SLC35D2: variants seen among roughly 807,000 people sequenced by gnomAD.
The protein encoded by SLC35D2 is solute carrier family 35 member D2.
SLC35D2 carries 43 observed loss-of-function variants against 41.8 expected under a neutral mutation model. That is an observed-to-expected ratio of 1.03 (90% CI 0.81 to 1.33). SLC35D2 has a LOEUF of 1.33. SLC35D2 is among the 40% of genes most tolerant of loss of function. The pLI is 0.00. For missense variants in SLC35D2, 380 were observed against 408.4 expected (o/e 0.93, Z 0.60); for synonymous variants, 150 against 163.9 (o/e 0.92, Z 0.65).
At chr9:96,330,244 G>A (rs12555309) in intron 9 of SLC35D2, among the ~76,000 whole-genome samples, 20,296 of 152,232 alleles carry the variant, frequency 0.13, 1,809 homozygotes, top group East Asian at 0.28. Flanking sequence ...TGCCAACCAT[G>A]AGGGCAAATC....
chr9:96,346,863 G>A (rs911206032), intron 6 of SLC35D2, among the ~76,000 whole-genome samples: 15 of 151,834 alleles, frequency 9.9e-5, no homozygotes, highest in African/African-American at 2.9e-4. Flanking sequence ...TTGGCCAGGC[G>A]TGGTGGCTCC....
At chr9:96,374,350 A>G (rs1479393985) in intron 1 of SLC35D2, among the ~76,000 whole-genome samples, 1 of 152,102 alleles carries the variant, frequency 6.6e-6, no homozygotes, top group Admixed American at 6.5e-5. Context: ...CCTGGCCAAC[A>G]TGGTGAAACC....
At chr9:96,338,555 CAAAAA>C (rs58788876) in intron 8 of SLC35D2, among the ~76,000 whole-genome samples, 1 of 115,790 alleles carries the variant, frequency 8.6e-6, no homozygotes, top group Non-Finnish European at 1.8e-5. Context: ...GACCCTGTCT[CAAAAA>C]AAAAAAAAAA....
Position 96,383,573 on chromosome 9 carries a change from AGCCGC to A in SLC35D2, c.57_61del (p.Arg20AlafsTer64), listed in dbSNP as rs1381562518. On this transcript the variant is annotated frameshift_variant, in exon 1 of 12. Transcript: ENST00000253270. LOFTEE classifies it high-confidence loss of function. ...CAGCAGCCGGGCCACCCGCGAGGGC[AGCCGC>A]GCCGCGCCGGGCTCCCCGCCAGCGC... 2.0e-6 allele frequency: 3 copies of A among 1,476,868 alleles called. No homozygotes were observed. Among genetic ancestry groups the A allele is most frequent in the South Asian group, 2.6e-5 (2 of 78,270 alleles). 91.5% of individuals were successfully genotyped at this position (1,476,868 alleles called of 1,614,324 possible).
intron 2 of SLC35D2, among the ~76,000 whole-genome samples, chr9:96,367,786 A>T (rs1587714234): frequency 6.6e-6 from 1 of 152,230 alleles, no homozygotes; most frequent in East Asian, 1.9e-4. Context: ...CCGTCTCAAA[A>T]AAAAAAAAAA....
intron 9 of SLC35D2, among the ~76,000 whole-genome samples, chr9:96,335,581 A>C (rs1020806181): frequency 3.3e-5 from 5 of 152,078 alleles, no homozygotes; most frequent in African/African-American, 1.2e-4. Flanking sequence ...GCTGGTCTCA[A>C]ACTCCTGAAC....
chr9:96,325,671 CAATT>C (rs985006391), intron 9 of SLC35D2, among the ~76,000 whole-genome samples: 14 of 152,080 alleles, frequency 9.2e-5, no homozygotes, highest in Non-Finnish European at 1.8e-4. Flanking sequence ...AACTCCATTT[CAATT>C]AATTAATTAA....
chr9:96,333,583 A>G (rs1828911513), intron 9 of SLC35D2, among the ~76,000 whole-genome samples: 1 of 144,076 alleles, frequency 6.9e-6, no homozygotes, highest in South Asian at 2.3e-4. Flanking sequence ...CGACAGAGGG[A>G]GACTCCGTCT....
At chr9:96,320,199 C>G (rs563029680), downstream of SLC35D2, among the ~76,000 whole-genome samples, 2 of 152,214 alleles carry the variant, frequency 1.3e-5, no homozygotes, top group Non-Finnish European at 2.9e-5. Context: ...TGAGAAGAAA[C>G]AAACAGGTGA....
At chr9:96,360,427 G>C (rs905423171) in intron 3 of SLC35D2, among the ~76,000 whole-genome samples, 1 of 151,772 alleles carries the variant, frequency 6.6e-6, no homozygotes, top group Non-Finnish European at 1.5e-5. Context: ...TCAGGAGTTC[G>C]AGACCAGACT....
chr9:96,337,451 C>T (rs1829097398), intron 8 of SLC35D2, among the ~76,000 whole-genome samples: 1 of 151,778 alleles, frequency 6.6e-6, no homozygotes, highest in Non-Finnish European at 1.5e-5. Context: ...CTCCTGGGCT[C>T]AAGTCATCTG....
At position 96,374,899 on chromosome 9, in the gene SLC35D2, C is replaced by G. The variant is rs111823075; in HGVS notation, c.159-6594G>C. 2.6e-3 allele frequency among the ~76,000 whole-genome samples: 393 copies of G among 151,392 alleles called. 1 individual carries two copies. Among genetic ancestry groups the G allele is most frequent in the African/African-American group, 9.0e-3 (370 of 41,324 alleles). ...TATGTCTCCACCTATTTATCTATAT[C>G]CATCCATCCAAAAAGATGTCTGAAA... On this transcript the variant is annotated intron_variant, in intron 1 of 11. Transcript: ENST00000253270.
intron 3 of SLC35D2, among the ~76,000 whole-genome samples, chr9:96,362,838 T>C (rs752467150): frequency 2.0e-5 from 3 of 151,388 alleles, no homozygotes; most frequent in African/African-American, 4.9e-5. Flanking sequence ...TTCAACCTTG[T>C]ATTTTTCTCT....
chr9:96,343,179 G>A (rs545643636), intron 8 of SLC35D2, among the ~76,000 whole-genome samples: 1 of 152,218 alleles, frequency 6.6e-6, no homozygotes, highest in African/African-American at 2.4e-5. Context: ...CTGTCACTAT[G>A]GAGAATGTCC....
At chr9:96,333,809 A>G (rs1314256147) in intron 9 of SLC35D2, among the ~76,000 whole-genome samples, 1 of 152,150 alleles carries the variant, frequency 6.6e-6, no homozygotes, top group African/African-American at 2.4e-5. Flanking sequence ...AAAAAAGCCA[A>G]TATCTCATCA....
intron 8 of SLC35D2, among the ~76,000 whole-genome samples, chr9:96,343,249 T>C (rs1829420880): frequency 6.6e-6 from 1 of 152,162 alleles, no homozygotes; most frequent in South Asian, 2.1e-4. Flanking sequence ...TACCACTAAT[T>C]TACCATTTTA....
intron 4 of SLC35D2, among the ~76,000 whole-genome samples, chr9:96,358,266 A>G (rs994347250): frequency 2.0e-5 from 3 of 151,696 alleles, no homozygotes; most frequent in African/African-American, 7.3e-5. Context: ...AGAGTAGGCA[A>G]ATTTGTAGAG....
chr9:96,319,891 T>G (rs1049319811), downstream of SLC35D2, among the ~76,000 whole-genome samples: 11 of 152,182 alleles, frequency 7.2e-5, no homozygotes, highest in Non-Finnish European at 1.6e-4. Flanking sequence ...TTGCAAGGAT[T>G]TAGAGATCTA....
At chr9:96,371,918 G>C (rs943340929) in intron 1 of SLC35D2, among the ~76,000 whole-genome samples, 1 of 151,146 alleles carries the variant, frequency 6.6e-6, no homozygotes, top group Non-Finnish European at 1.5e-5. Context: ...AGTAGAGACG[G>C]GGTTTCACCG....
Sources: gnomAD v4.1 joint callset for allele counts (sites outside exome capture counted in the v4.1 genomes callset) on GRCh38, gnomAD v4.1.1 for gene constraint, MANE v1.5 for transcripts, NCBI Gene and HGNC (gene_info 2026-07-23, HGNC 2026-07-21) for gene names.